The following DMD variants were observed in gnomAD, a reference collection of about 807,000 sequenced individuals.
DMD encodes the protein mutant dystrophin.
In DMD, 63 loss-of-function variants were observed where a neutral mutation model predicts 330.1. The observed-to-expected ratio is 0.19, with a 90% CI of 0.16 to 0.24. The LOEUF (loss-of-function observed/expected upper bound fraction) is 0.24, where lower values mean the gene tolerates loss of function less well. Among genes scored for constraint, DMD ranks in the 10% least tolerant of loss-of-function variants. DMD has a pLI of 1.00. For missense variants in DMD, 3,344 were observed against 2,684.1 expected (o/e 1.25, Z -5.43); for synonymous variants, 1,223 against 959.8 (o/e 1.27, Z -5.07).
In DMD at chrX:32,287,667, C is replaced by T. The variant is rs756696562; in HGVS notation, c.6152G>A (p.Arg2051Gln). Residue 2051 changes from arginine to glutamine, a missense_variant, in exon 43 of 79, where the codon CGG (arginine) becomes CAG (glutamine). Arg to Gln is a conservative substitution (Grantham distance 43, BLOSUM62 1). Transcript: ENST00000357033. ...CTTCTTGCTATGAATAATGTCAATCCGACCTGAGCTTTGTTGTAGACTATC... is the reference window on the plus strand; with the variant it reads ...CTTCTTGCTATGAATAATGTCAATCTGACCTGAGCTTTGTTGTAGACTATC... ...IKDSLQQSSG[R>Q]IDIIHSKKTA... The T allele has an allele frequency of 5.8e-6, 7 of 1,206,250 alleles. No individual in the cohort carries two copies. The East Asian group carries it at 1.5e-4, about 26-fold the overall frequency.
At chrX:32,563,342 C>CA (rs745316161) in intron 16 of DMD, among the ~76,000 whole-genome samples, 2,051 of 42,722 alleles carry the variant, frequency 0.048, 66 homozygotes, top group African/African-American at 0.091. Context: ...GACTCCATCT[C>CA]AAAAAAAAAA....
Position 32,663,043 on chromosome X carries a change from T to C in DMD, c.961-17891A>G, listed in dbSNP as rs1005934051. On this transcript the variant is annotated intron_variant, in intron 9 of 78. Transcript: ENST00000357033. ...CCATTGAGTAATGCATTACATTTGT[T>C]GCCAATATATTGACTATTTTTCAAT... Among the ~76,000 whole-genome samples, 3 of 111,875 alleles carry C rather than the reference T, an allele frequency of 2.7e-5. No homozygotes were observed. In the East Asian group the frequency reaches 8.4e-4, roughly 31 times the overall value.
chrX:31,147,129 C>A (rs1445821508), intron 75 of DMD, 146 bp downstream of exon 75: 1 of 757,589 alleles, frequency 1.3e-6, no homozygotes, highest in African/African-American at 2.1e-5. Context: ...TCCTCTACTT[C>A]TATCCTTTGA....
intron 44 of DMD, among the ~76,000 whole-genome samples, chrX:32,160,665 T>G (rs922459825): frequency 1.8e-5 from 2 of 111,622 alleles, no homozygotes; most frequent in African/African-American, 3.3e-5. Flanking sequence ...TCTAGCATAC[T>G]GTACTCAAAG....
chrX:33,041,851 T>A (rs2094307293), intron 1 of DMD: 1 of 604,762 alleles, frequency 1.7e-6, no homozygotes, highest in Non-Finnish European at 2.6e-6. Context: ...ACATATATAT[T>A]TCTTTGTCTA....
At chrX:32,606,722 C>CATATATAT (rs59502866) in intron 12 of DMD, among the ~76,000 whole-genome samples, 7 of 85,914 alleles carry the variant, frequency 8.1e-5, no homozygotes, top group Non-Finnish European at 1.4e-4. Context: ...TGTATATACG[C>CATATATAT]ATATATATAT....
intron 1 of DMD, among the ~76,000 whole-genome samples, chrX:33,178,212 C>T (rs763319877): frequency 7.1e-5 from 8 of 112,311 alleles, no homozygotes; most frequent in Admixed American, 2.8e-4. Context: ...GTGTAAAGGG[C>T]GCTTCTTAAA....
chrX:31,844,241 C>G (rs1233229813), intron 48 of DMD, among the ~76,000 whole-genome samples: 1 of 110,253 alleles, frequency 9.1e-6, no homozygotes, highest in Non-Finnish European at 1.9e-5. Context: ...TTTCATTCCT[C>G]TGGATACGGT....
At chrX:32,039,279 G>A (rs935531902) in intron 44 of DMD, among the ~76,000 whole-genome samples, 1 of 111,357 alleles carries the variant, frequency 9.0e-6, no homozygotes, top group Non-Finnish European at 1.9e-5. Context: ...CTCATGAGAA[G>A]GATGAGAAAG....
intron 1 of DMD, among the ~76,000 whole-genome samples, chrX:33,265,379 A>G (rs1453304770): frequency 9.0e-6 from 1 of 110,775 alleles, no homozygotes; most frequent in African/African-American, 3.3e-5. Context: ...TTATTTATTT[A>G]TTTTTTTGCT....
intron 7 of DMD, among the ~76,000 whole-genome samples, chrX:32,709,825 T>A (rs1236184225): frequency 2.7e-5 from 3 of 111,053 alleles, no homozygotes; most frequent in African/African-American, 6.6e-5. Context: ...ATTATGTTTA[T>A]TTTTTATATA....
At chrX:32,770,399 A>T (rs753977915) in intron 7 of DMD, among the ~76,000 whole-genome samples, 1 of 111,916 alleles carries the variant, frequency 8.9e-6, no homozygotes, top group South Asian at 3.7e-4. Context: ...TACATTTACA[A>T]TGATTTAATA....
At chrX:32,447,860 A>G (rs756842016) in intron 27 of DMD, among the ~76,000 whole-genome samples, 1 of 111,669 alleles carries the variant, frequency 9.0e-6, no homozygotes, top group East Asian at 2.8e-4. Context: ...AATTCAGATA[A>G]GCATAATCTA....
chrX:32,354,377 T>C (rs1269040202), intron 37 of DMD, among the ~76,000 whole-genome samples: 3 of 111,037 alleles, frequency 2.7e-5, no homozygotes, highest in Non-Finnish European at 5.7e-5. Flanking sequence ...GAAACCAAGA[T>C]GAAAAATTTC....
intron 1 of DMD, among the ~76,000 whole-genome samples, chrX:33,282,054 G>A (rs1024474423): frequency 1.8e-5 from 2 of 110,393 alleles, no homozygotes; most frequent in East Asian, 2.9e-4. Context: ...TGGCCATAGC[G>A]TCCAACGGGC....
At chrX:31,543,110 T>G (rs1418092906) in intron 55 of DMD, among the ~76,000 whole-genome samples, 1 of 111,593 alleles carries the variant, frequency 9.0e-6, no homozygotes, top group East Asian at 2.8e-4. Context: ...AATTGGCTAT[T>G]GCAGATGGAA....
At chrX:31,340,076 A>C in intron 61 of DMD, among the ~76,000 whole-genome samples, 1 of 112,349 alleles carries the variant, frequency 8.9e-6, no homozygotes, top group Non-Finnish European at 1.9e-5. Context: ...CCAGGATGAA[A>C]GCTTGGCAAC....
At chrX:32,944,528 A>T (rs188679894) in intron 2 of DMD, among the ~76,000 whole-genome samples, 134 of 110,224 alleles carry the variant, frequency 1.2e-3, no homozygotes, top group African/African-American at 4.2e-3. Context: ...TTGAAATTCC[A>T]TTTTTATTAT....
intron 2 of DMD, among the ~76,000 whole-genome samples, chrX:32,883,656 C>G (rs750941696): frequency 1.9e-5 from 2 of 107,630 alleles, no homozygotes; most frequent in South Asian, 8.4e-4. Flanking sequence ...AACCCCGTCT[C>G]TACTAAAAAT....
Sources: gnomAD v4.1 joint callset for allele counts (sites outside exome capture counted in the v4.1 genomes callset) on GRCh38, gnomAD v4.1.1 for gene constraint, MANE v1.5 for transcripts, NCBI Gene and HGNC (gene_info 2026-07-23, HGNC 2026-07-21) for gene names.